Variants in FN3KRP observed in about 807,000 individuals in gnomAD.
FN3KRP encodes the protein ketosamine-3-kinase.
In FN3KRP, 33 loss-of-function variants were observed where a neutral mutation model predicts 29.8. That is an observed-to-expected ratio of 1.11 (90% confidence interval 0.84 to 1.48). FN3KRP has a LOEUF of 1.48. Ranked by LOEUF, FN3KRP falls within the 40% of genes most tolerant of loss-of-function variation. FN3KRP has a pLI of 0.00. For synonymous variants in FN3KRP, 157 were observed against 155.2 expected (o/e 1.01, Z -0.09); for missense variants, 430 against 402.6 (o/e 1.07, Z -0.58).
chr17:82,718,311 C>A, intron 1 of FN3KRP: 1 of 528,528 alleles, frequency 1.9e-6, no homozygotes, highest in Non-Finnish European at 2.2e-6. Context: ...GGGATCACTG[C>A]TGTGTGGTGA....
intron 4 of FN3KRP, 81 bp downstream of exon 4, chr17:82,722,967 T>A: frequency 8.1e-7 from 1 of 1,230,038 alleles, no homozygotes; most frequent in Non-Finnish European, 1.2e-6. Context: ...ACCCCCCTCC[T>A]TTTTTTGTGA....
chr17:82,723,655 ACG>A (rs2046816898), intron 4 of FN3KRP, among the ~76,000 whole-genome samples: 1 of 151,832 alleles, frequency 6.6e-6, no homozygotes, highest in Admixed American at 6.6e-5. Flanking sequence ...GCATGTGTGT[ACG>A]CGTGTGCGCG....
At chr17:82,717,527 G>A (rs1006585201) in intron 1 of FN3KRP, among the ~76,000 whole-genome samples, 25 of 112,224 alleles carry the variant, frequency 2.2e-4, no homozygotes, top group Non-Finnish European at 4.0e-4. Flanking sequence ...AGACCAGCCT[G>A]GCCAACAAGG....
In FN3KRP at chr17:82,716,710, C is replaced by A; in HGVS notation, c.-46C>A. ...GTTTGCCCGCTCGGCCGCCGTCTCT[C>A]GAGTCTCCGCCAGATCCGGGGCGGG... On this transcript the variant is annotated 5_prime_UTR_variant, in exon 1 of 6. Coordinates refer to ENST00000269373, the MANE Select transcript of FN3KRP (RefSeq NM_024619.4). The A allele has an allele frequency of 7.0e-7, 1 of 1,437,328 alleles. No homozygotes were observed. 89.0% of individuals were successfully genotyped at this position (1,437,328 alleles called of 1,614,324 possible).
At position 82,727,149 on chromosome 17, in the gene FN3KRP, T is replaced by C. The variant is rs375591758; in HGVS notation, c.908T>C (p.Ile303Thr). 2.6e-5 allele frequency: 42 copies of C among 1,613,698 alleles called. No individual in the cohort carries two copies. The African/African-American group carries it at 3.6e-4, about 14-fold the overall frequency. ...GGGTACAGAGGATCCTCCCTGAACA[T>C]CATGAGGAATCTGGTCAAGTGAGCG... ...GSGYRGSSLN[I>T]MRNLVK is the part of the protein sequence containing the mutation. The change falls in exon 6 of 6, where the codon ATC becomes ACC. Residue 303 changes from isoleucine to threonine, a missense_variant. Ile to Thr is a moderately conservative substitution (Grantham distance 89, BLOSUM62 -1). Coordinates refer to ENST00000269373, the MANE Select transcript of FN3KRP (RefSeq NM_024619.4).
intron 3 of FN3KRP, among the ~76,000 whole-genome samples, chr17:82,721,731 T>A (rs2046799696): frequency 6.6e-6 from 1 of 152,146 alleles, no homozygotes; most frequent in African/African-American, 2.4e-5. Flanking sequence ...CTCGACTTCC[T>A]GACCTCGTGA....
chr17:82,722,413 A>G (rs1255624944), intron 3 of FN3KRP, among the ~76,000 whole-genome samples: 1 of 152,166 alleles, frequency 6.6e-6, no homozygotes, highest in Non-Finnish European at 1.5e-5. Flanking sequence ...TTTCCTCTTT[A>G]AGAACATCCT....
chr17:82,726,776 G>C, intron 5 of FN3KRP, 57 bp from the exon 6 acceptor site: 1 of 1,495,570 alleles, frequency 6.7e-7, no homozygotes, highest in Non-Finnish European at 9.0e-7. Flanking sequence ...GACCTGGAGC[G>C]GCGCCCCTCA....
intron 3 of FN3KRP, among the ~76,000 whole-genome samples, chr17:82,722,409 CTT>C (rs1482363351): frequency 6.6e-6 from 1 of 152,218 alleles, no homozygotes; most frequent in African/African-American, 2.4e-5. Context: ...TGCCTTTCCT[CTT>C]TAAGAACATC....
intron 3 of FN3KRP, chr17:82,722,469 G>A (rs527609994): frequency 3.6e-5 from 9 of 250,638 alleles, no homozygotes; most frequent in South Asian, 7.2e-5. Flanking sequence ...ACACCCCCGC[G>A]TGTTGGGATG....
intron 1 of FN3KRP, chr17:82,718,358 G>A (rs1159754781): frequency 8.3e-6 from 8 of 965,886 alleles, no homozygotes; most frequent in African/African-American, 1.8e-5. Context: ...CTGTGGTCCC[G>A]GGGAGTTGGA....
chr17:82,719,064 C>G lies in FN3KRP; in HGVS notation c.293+7C>G. On this transcript the variant is annotated splice_region_variant and intron_variant, in intron 2 of 5. Transcript: ENST00000269373. ...ACATGAGGCATCTGAGCAGGTGCAT[C>G]TTCACACCACCCCCCACCTGGCTTT... 5 of 1,527,044 alleles carry G rather than the reference C, an allele frequency of 3.3e-6. No homozygotes were observed. Among genetic ancestry groups the G allele is most frequent in the Non-Finnish European group, 4.4e-6 (5 of 1,144,826 alleles). The allele number at this position is 1,527,044 out of a possible 1,614,324, so 94.6% of individuals were successfully genotyped here. A position where few individuals can be genotyped will look rare whatever the true frequency, so the allele number is the denominator to read the frequency against.
In FN3KRP at chr17:82,721,223, G is replaced by A. The variant is rs1204312772; in HGVS notation, c.385+860G>A. Among the ~76,000 whole-genome samples the A allele has an allele frequency of 5.3e-5, 8 of 152,052 alleles. No homozygotes were observed. The East Asian group carries it at 1.2e-3, about 22-fold the overall frequency. ...CTGCCTCAGCCTCCTGAGTAGCTGG[G>A]ATTACAGGTGCATGCCACTGTGCCC... On this transcript the variant is annotated intron_variant, in intron 3 of 5. Coordinates refer to ENST00000269373, the MANE Select transcript of FN3KRP (RefSeq NM_024619.4).
In FN3KRP at chr17:82,727,623, CTT is replaced by C; in HGVS notation, c.*453_*454del. On this transcript the variant is annotated 3_prime_UTR_variant, in exon 6 of 6. Transcript: ENST00000269373. ...CGTTGATGCTTCTTGGTTGGCAAGA[CTT>C]GGGTGTAGACATGAAACCATCTTAC... 6.3e-6 allele frequency: 1 copy of C among 159,210 alleles called. No individual in the cohort carries two copies. The highest frequency in any genetic ancestry group is 2.0e-4 in the South Asian group (1 of 5,096). The allele number at this position is 159,210 out of a possible 1,614,324, so 9.9% of individuals were successfully genotyped here. A position where few individuals can be genotyped will look rare whatever the true frequency, so the allele number is the denominator to read the frequency against.
At chr17:82,726,738 C>G in intron 5 of FN3KRP, 95 bp from the exon 6 acceptor site, 1 of 1,496,268 alleles carries the variant, frequency 6.7e-7, no homozygotes, top group Non-Finnish European at 9.0e-7. Flanking sequence ...GTGTGCTATC[C>G]GCTGCTGCCT....
intron 4 of FN3KRP, among the ~76,000 whole-genome samples, chr17:82,724,277 G>A (rs1335063938): frequency 6.6e-6 from 1 of 151,460 alleles, no homozygotes; most frequent in East Asian, 2.0e-4. Context: ...TTGGGTAATG[G>A]AGCAAGACCT....
At position 82,726,526 on chromosome 17, in the gene FN3KRP, G is replaced by A. The variant is rs745901308; in HGVS notation, c.515G>A (p.Arg172His). 2.4e-5 allele frequency: 39 copies of A among 1,614,000 alleles called. No homozygotes were observed. The highest frequency in any genetic ancestry group is 1.0e-4 in the Admixed American group (6 of 59,988). Residue 172 changes from arginine to histidine, a missense_variant, in exon 5 of 6, where the codon CGC (arginine) becomes CAC (histidine). Coordinates refer to ENST00000269373, the MANE Select transcript of FN3KRP (RefSeq NM_024619.4). ...EDWVVFYARQ[R>H]IQPQMDMVEK... Reference sequence around the variant, plus strand: ...TGGGTCGTGTTCTATGCCCGGCAGCGCATTCAGCCCCAGATGGACATGGTG... The same window carrying A: ...TGGGTCGTGTTCTATGCCCGGCAGCACATTCAGCCCCAGATGGACATGGTG...
chr17:82,719,642 C>T (rs1197342087), intron 2 of FN3KRP, among the ~76,000 whole-genome samples: 1 of 152,170 alleles, frequency 6.6e-6, no homozygotes, highest in Non-Finnish European at 1.5e-5. Context: ...CTAATTCCAG[C>T]TACTCGGGAG....
intron 4 of FN3KRP, 33 bp from the exon 5 acceptor site, chr17:82,726,447 C>G (rs2046837528): frequency 6.2e-7 from 1 of 1,603,994 alleles, no homozygotes. Context: ...CTGGCATTTT[C>G]CAGTGAACTG....
Sources: allele counts gnomAD v4.1 joint callset (sites outside exome capture counted in the v4.1 genomes callset), GRCh38; gene constraint gnomAD v4.1.1; transcripts MANE v1.5; gene names NCBI Gene and HGNC (gene_info 2026-07-23, HGNC 2026-07-21).